RSBN1: variants seen among roughly 807,000 people sequenced by gnomAD.
RSBN1 encodes round spermatid basic protein 1, also known as lysine-specific demethylase 9.
In RSBN1, 23 loss-of-function variants were observed where a neutral mutation model predicts 74.8. The observed-to-expected ratio is 0.31, with a 90% CI of 0.22 to 0.44. RSBN1 has a LOEUF of 0.44. Ranked by LOEUF, RSBN1 falls within the 20% of genes least tolerant of loss-of-function variation. RSBN1 has a pLI of 1.00. For missense variants in RSBN1, 808 were observed against 1,020.9 expected (o/e 0.79, Z 2.84); for synonymous variants, 407 against 379.6 (o/e 1.07, Z -0.84).
chr1:113,793,112 C>A (rs1020986540), intron 2 of RSBN1, among the ~76,000 whole-genome samples: 1 of 152,186 alleles, frequency 6.6e-6, no homozygotes, highest in African/African-American at 2.4e-5. Context: ...CTTAGAGGAG[C>A]TGAGTTCTAA....
chr1:113,769,486 G>C lies in RSBN1; in HGVS notation c.1659-1097C>G, dbSNP rs565121970. Reference sequence around the variant, plus strand: ...AATGGATTAGAGTACAGATGAAACAGAATTAGCCATGAGTTGACAGCTGTT... The same window carrying C: ...AATGGATTAGAGTACAGATGAAACACAATTAGCCATGAGTTGACAGCTGTT... On this transcript the variant is annotated intron_variant, in intron 4 of 6. Transcript: ENST00000261441. Among the ~76,000 whole-genome samples the C allele has an allele frequency of 2.0e-5, 3 of 152,288 alleles. No homozygotes were observed. The South Asian group carries it at 6.2e-4, about 32-fold the overall frequency.
chr1:113,810,617 T>C (rs1358402125), intron 1 of RSBN1, among the ~76,000 whole-genome samples: 1 of 152,048 alleles, frequency 6.6e-6, no homozygotes. Flanking sequence ...TATTCGGAAA[T>C]AGCACCACCA....
intron 4 of RSBN1, among the ~76,000 whole-genome samples, chr1:113,771,098 CTGA>C (rs1279462782): frequency 1.3e-5 from 2 of 151,894 alleles, no homozygotes; most frequent in Non-Finnish European, 2.9e-5. Context: ...TTTCAGACTG[CTGA>C]TGATAGAGGA....
At chr1:113,804,096 T>C (rs1660646983) in intron 1 of RSBN1, among the ~76,000 whole-genome samples, 1 of 151,762 alleles carries the variant, frequency 6.6e-6, no homozygotes. Context: ...TTCACTACAC[T>C]CCAGCCTGGG....
At chr1:113,774,938 T>C (rs1251840883) in intron 4 of RSBN1, among the ~76,000 whole-genome samples, 1 of 152,054 alleles carries the variant, frequency 6.6e-6, no homozygotes, top group Non-Finnish European at 1.5e-5. Context: ...AGTTTTAAAG[T>C]AAACATCACA....
chr1:113,812,254 G>A lies in RSBN1; in HGVS notation c.159C>T (p.Val53=), dbSNP rs371476754. The A allele has an allele frequency of 1.2e-5, 20 of 1,605,856 alleles. No homozygotes were observed. The highest frequency in any genetic ancestry group is 4.4e-5 in the South Asian group (4 of 91,088). ...CCGCCCGTACTACGCGCACCGCTCC[G>A]ACCTGCGCAGCCATTTCACCCACAA... ...CVFVGEMAAQ[V]GAVRVVRAVA... The change falls in exon 1 of 7, where the codon GTC becomes GTT. Residue 53 remains valine, a synonymous_variant. Coordinates refer to ENST00000261441, the MANE Select transcript of RSBN1 (RefSeq NM_018364.5).
At chr1:113,769,145 C>T (rs1206735320) in intron 4 of RSBN1, among the ~76,000 whole-genome samples, 1 of 152,106 alleles carries the variant, frequency 6.6e-6, no homozygotes. Context: ...TTTGTACTCT[C>T]GGACCAATAA....
In RSBN1 at chr1:113,768,111, T is replaced by C. The variant is rs991099539; in HGVS notation, c.1826+111A>G. The C allele has an allele frequency of 2.8e-5, 25 of 888,282 alleles. No individual in the cohort carries two copies. The Admixed American group carries it at 5.7e-4, about 20-fold the overall frequency. The allele number at this position is 888,282 out of a possible 1,614,324, so 55.0% of individuals were successfully genotyped here. A position where few individuals can be genotyped will look rare whatever the true frequency, so the allele number is the denominator to read the frequency against. ...TTTAAAAATGGTTAAGATGGCAAAC[T>C]TTATGTGTATTTTACCACAATTTAA... On this transcript the variant is annotated intron_variant, in intron 5 of 6. Coordinates refer to ENST00000261441, the MANE Select transcript of RSBN1 (RefSeq NM_018364.5).
chr1:113,800,330 C>G (rs1383780495), intron 1 of RSBN1, among the ~76,000 whole-genome samples: 1 of 151,992 alleles, frequency 6.6e-6, no homozygotes, highest in Non-Finnish European at 1.5e-5. Flanking sequence ...ATTCTATATA[C>G]AACTAAATAT....
At chr1:113,794,523 CA>C (rs1660432676) in intron 2 of RSBN1, among the ~76,000 whole-genome samples, 1 of 152,162 alleles carries the variant, frequency 6.6e-6, no homozygotes, top group Admixed American at 6.5e-5. Context: ...CTTGCCATGT[CA>C]ATCTATTTGT....
chr1:113,774,601 C>T (rs1176622273), intron 4 of RSBN1, among the ~76,000 whole-genome samples: 1 of 151,938 alleles, frequency 6.6e-6, no homozygotes, highest in Non-Finnish European at 1.5e-5. Flanking sequence ...GGTGTGAACC[C>T]GGGAGGAGGG....
At chr1:113,772,901 C>G (rs895697152) in intron 4 of RSBN1, among the ~76,000 whole-genome samples, 2 of 152,066 alleles carry the variant, frequency 1.3e-5, no homozygotes, top group African/African-American at 4.8e-5. Flanking sequence ...TATGTAAATA[C>G]TGAAAGCACA....
At chr1:113,773,291 G>A (rs781584894) in intron 4 of RSBN1, among the ~76,000 whole-genome samples, 1 of 152,336 alleles carries the variant, frequency 6.6e-6, no homozygotes, top group Non-Finnish European at 1.5e-5. Context: ...TTGGCAGGCC[G>A]AAGTGGCTAG....
At chr1:113,778,799 T>C (rs926826676) in intron 2 of RSBN1, among the ~76,000 whole-genome samples, 3 of 152,204 alleles carry the variant, frequency 2.0e-5, no homozygotes, top group African/African-American at 7.2e-5. Flanking sequence ...TGAAGTCTAA[T>C]GTTACCTATG....
rs757097271 is a variant in RSBN1, at chr1:113,766,036, T to C, written c.2353A>G (p.Arg785Gly). 2 of 1,613,994 alleles carry C rather than the reference T, an allele frequency of 1.2e-6. No individual in the cohort carries two copies. The highest frequency in any genetic ancestry group is 1.7e-6 in the Non-Finnish European group (2 of 1,179,948). The change falls in exon 7 of 7, where the codon AGA becomes GGA. Residue 785 changes from arginine (R) to glycine (G), a missense_variant. Transcript: ENST00000261441. ...QPIPVLKVES[R>G]LDSDQQHNLQ... ...TTGTGTTGCTGGTCAGAGTCCAGTC[T>C]ACTTTCCACTTTTAAAACTGGAATA...
rs1166458408 is a variant in RSBN1, at chr1:113,764,784, A to T, written c.*1196T>A. ...AAAAGGCCTACTGTATTATTAACTA[A>T]GAGAAAGTATAATGTGAATCATGTT... is the stretch of plus-strand genomic sequence containing the variant. On this transcript the variant is annotated 3_prime_UTR_variant, in exon 7 of 7. Coordinates refer to ENST00000261441, the MANE Select transcript of RSBN1 (RefSeq NM_018364.5). The T allele has an allele frequency of 6.6e-6, 1 of 152,288 alleles. No homozygotes were observed. Among genetic ancestry groups the T allele is most frequent in the East Asian group, 1.9e-4 (1 of 5,336 alleles). 9.4% of individuals were successfully genotyped at this position (152,288 alleles called of 1,614,324 possible).
At chr1:113,808,142 T>C (rs1239897187) in intron 1 of RSBN1, among the ~76,000 whole-genome samples, 2 of 152,112 alleles carry the variant, frequency 1.3e-5, no homozygotes, top group Non-Finnish European at 1.5e-5. Context: ...TAAATATATA[T>C]AGTCATCCTT....
intron 2 of RSBN1, among the ~76,000 whole-genome samples, chr1:113,796,930 C>A (rs1660483742): frequency 6.6e-6 from 1 of 152,102 alleles, no homozygotes; most frequent in Non-Finnish European, 1.5e-5. Context: ...GGATGGACTG[C>A]CAACAAGTTA....
chr1:113,789,180 G>A (rs1168690583), intron 2 of RSBN1, among the ~76,000 whole-genome samples: 4 of 152,250 alleles, frequency 2.6e-5, no homozygotes, highest in Non-Finnish European at 5.9e-5. Context: ...CCTCCAGGGA[G>A]GGGTGCTAAA....
Sources: gnomAD v4.1 joint callset for allele counts (sites outside exome capture counted in the v4.1 genomes callset) on GRCh38, gnomAD v4.1.1 for gene constraint, MANE v1.5 for transcripts, NCBI Gene and HGNC (gene_info 2026-07-23, HGNC 2026-07-21) for gene names.